SRGAP3: variants seen among roughly 807,000 people sequenced by gnomAD.
The protein encoded by SRGAP3 is SLIT-ROBO Rho GTPase-activating protein 3.
SRGAP3 carries 39 observed loss-of-function variants against 121.1 expected under a neutral mutation model. That is an observed-to-expected ratio of 0.32 (90% CI 0.25 to 0.42). The LOEUF (loss-of-function observed/expected upper bound fraction) is 0.42, where lower values mean the gene tolerates loss of function less well. SRGAP3 is among the 10% of genes least tolerant of loss of function. The probability of loss-of-function intolerance (pLI) is 1.00; values close to 1 mark genes in which losing one functional copy is unlikely to be tolerated. For missense variants in SRGAP3, 1,213 were observed against 1,470.6 expected (o/e 0.82, Z 2.86); for synonymous variants, 601 against 570.0 (o/e 1.05, Z -0.77).
chr3:9,028,040 C>T, intron 12 of SRGAP3: 3 of 1,603,742 alleles, frequency 1.9e-6, no homozygotes, highest in East Asian at 2.2e-5. Context: ...TTCTGGAAGT[C>T]AGCACTAAAG....
At position 9,329,056 on chromosome 3, in the gene SRGAP3, G is replaced by A. The variant is rs148343058; in HGVS notation, n.283+1472C>T. Among the ~76,000 whole-genome samples the A allele has an allele frequency of 5.1e-4, 77 of 152,192 alleles. 1 individual carries two copies. In the East Asian group the frequency reaches 0.013, roughly 26 times the overall value. On this transcript the variant is annotated intron_variant and non_coding_transcript_variant, in intron 2 of 3. Coordinates refer to the SRGAP3 transcript ENST00000490889. ...CAGTTTGTTATGGAACAGCTTGTTGGGCCATCCTGAGCACGAGTTTATGGG... is the reference window on the plus strand; with the variant it reads ...CAGTTTGTTATGGAACAGCTTGTTGAGCCATCCTGAGCACGAGTTTATGGG...
At chr3:9,208,871 C>T (rs934920065) in intron 1 of SRGAP3, among the ~76,000 whole-genome samples, 1 of 152,204 alleles carries the variant, frequency 6.6e-6, no homozygotes. Flanking sequence ...AGCGTTATTG[C>T]AAGCATTAAC....
At chr3:9,103,501 T>C (rs765463602) in intron 3 of SRGAP3, among the ~76,000 whole-genome samples, 3 of 152,114 alleles carry the variant, frequency 2.0e-5, no homozygotes, top group Non-Finnish European at 2.9e-5. Context: ...GCACAGAGCA[T>C]TGAAGTAACA....
chr3:9,091,890 T>G lies in SRGAP3; in HGVS notation c.424-11803A>C, dbSNP rs114036933. Among the ~76,000 whole-genome samples the G allele has an allele frequency of 6.0e-3, 919 of 152,306 alleles. 7 individuals are homozygous for G. Among genetic ancestry groups the G allele is most frequent in the African/African-American group, 0.02 (838 of 41,566 alleles). On this transcript the variant is annotated intron_variant, in intron 3 of 21. Coordinates refer to ENST00000383836, the MANE Select transcript of SRGAP3 (RefSeq NM_014850.4). ...TTCTCTTTCCCTTCCCACACTAATTTATGCCTCCTGTTGCTGAACTCCAAA... is the reference window on the plus strand; with the variant it reads ...TTCTCTTTCCCTTCCCACACTAATTGATGCCTCCTGTTGCTGAACTCCAAA...
intron 17 of SRGAP3, among the ~76,000 whole-genome samples, chr3:9,010,964 G>A (rs1009266095): frequency 1.3e-5 from 2 of 152,124 alleles, no homozygotes; most frequent in Non-Finnish European, 2.9e-5. Flanking sequence ...TAATGTGCTG[G>A]TATAATTTCA....
chr3:9,163,155 C>T (rs1450503971), intron 1 of SRGAP3, among the ~76,000 whole-genome samples: 2 of 152,166 alleles, frequency 1.3e-5, no homozygotes, highest in Admixed American at 1.3e-4. Flanking sequence ...CTGGCCCAGG[C>T]CTCAGTCTGT....
At chr3:9,136,281 G>A (rs1403255744) in intron 1 of SRGAP3, among the ~76,000 whole-genome samples, 3 of 152,102 alleles carry the variant, frequency 2.0e-5, no homozygotes, top group East Asian at 3.9e-4. Context: ...GGCGGCTTCC[G>A]GGACGGCCCC....
At chr3:9,287,929 A>AC (rs1184978679) in intron 3 of SRGAP3, among the ~76,000 whole-genome samples, 1 of 151,106 alleles carries the variant, frequency 6.6e-6, no homozygotes, top group Non-Finnish European at 1.5e-5. Flanking sequence ...GTAGGTGTGA[A>AC]TTTTTTTTTA....
chr3:9,168,534 C>T (rs554659033), intron 1 of SRGAP3, among the ~76,000 whole-genome samples: 1 of 152,340 alleles, frequency 6.6e-6, no homozygotes, highest in East Asian at 1.9e-4. Context: ...TTTCCATTCA[C>T]CTGCGCTTTT....
chr3:9,325,143 G>A (rs1163531173), intron 3 of SRGAP3, among the ~76,000 whole-genome samples: 1 of 151,736 alleles, frequency 6.6e-6, no homozygotes, highest in East Asian at 1.9e-4. Flanking sequence ...CACTTGAAGA[G>A]AGACTACTTG....
intron 1 of SRGAP3, among the ~76,000 whole-genome samples, chr3:9,177,283 A>G (rs374438779): frequency 6.6e-6 from 1 of 152,352 alleles, no homozygotes; most frequent in East Asian, 1.9e-4. Flanking sequence ...TAATCCTATA[A>G]GAAATTTACA....
chr3:9,136,766 G>A (rs947675343), intron 1 of SRGAP3, among the ~76,000 whole-genome samples: 5 of 152,170 alleles, frequency 3.3e-5, no homozygotes, highest in African/African-American at 4.8e-5. Context: ...AGAGTCCACC[G>A]GAGACTCCGC....
At chr3:9,104,291 C>T (rs1575079438) in intron 3 of SRGAP3, among the ~76,000 whole-genome samples, 1 of 152,144 alleles carries the variant, frequency 6.6e-6, no homozygotes, top group Admixed American at 6.5e-5. Context: ...AATGCATTTG[C>T]GTTTGTACAC....
At chr3:9,253,029 C>T (rs1034182215), upstream of SRGAP3, among the ~76,000 whole-genome samples, 46 of 152,324 alleles carry the variant, frequency 3.0e-4, no homozygotes, top group African/African-American at 9.9e-4. Flanking sequence ...TCCCTGCACA[C>T]AAGCACAGGG....
chr3:9,259,940 C>T (rs1398335779), intron 3 of SRGAP3, among the ~76,000 whole-genome samples: 2 of 151,654 alleles, frequency 1.3e-5, no homozygotes, highest in Admixed American at 6.6e-5. Flanking sequence ...GCATTTCCAA[C>T]TGAGGTACCC....
intron 2 of SRGAP3, among the ~76,000 whole-genome samples, chr3:9,105,925 A>G (rs1226889484): frequency 6.6e-6 from 1 of 152,248 alleles, no homozygotes; most frequent in Non-Finnish European, 1.5e-5. Flanking sequence ...ACGGATGGGC[A>G]AAATCATTGC....
chr3:9,264,415 G>A (rs1954315401), intron 3 of SRGAP3, among the ~76,000 whole-genome samples: 2 of 152,264 alleles, frequency 1.3e-5, no homozygotes, highest in South Asian at 2.1e-4. Flanking sequence ...CAAATAGGAA[G>A]AGAGGAAGTC....
At chr3:9,061,661 T>C (rs534554041) in intron 5 of SRGAP3, among the ~76,000 whole-genome samples, 2 of 152,338 alleles carry the variant, frequency 1.3e-5, no homozygotes, top group South Asian at 2.1e-4. Context: ...CTTTGTTCAT[T>C]GCTAGGTCTG....
intron 20 of SRGAP3, among the ~76,000 whole-genome samples, chr3:8,991,953 T>C (rs1364666626): frequency 6.6e-6 from 1 of 152,186 alleles, no homozygotes; most frequent in Non-Finnish European, 1.5e-5. Flanking sequence ...AGGCAGAAGA[T>C]ATGGTCCTCC....
Sources: gnomAD v4.1 joint callset for allele counts (sites outside exome capture counted in the v4.1 genomes callset) on GRCh38, gnomAD v4.1.1 for gene constraint, MANE v1.5 for transcripts, NCBI Gene and HGNC (gene_info 2026-07-23, HGNC 2026-07-21) for gene names.